Variants in CHN1 observed in about 807,000 individuals in gnomAD.
CHN1 encodes the protein N-chimaerin.
A neutral mutation model predicts 59.5 loss-of-function variants in CHN1; 37 were observed. The ratio of observed to expected loss-of-function variants is 0.62; its 90% CI spans 0.48 to 0.82. CHN1 has a LOEUF of 0.82. Among genes scored for constraint, CHN1 ranks in the 40% least tolerant of loss-of-function variants. The pLI is 0.00. For synonymous variants in CHN1, 206 were observed against 200.4 expected (o/e 1.03, Z -0.24); for missense variants, 469 against 571.0 (o/e 0.82, Z 1.82).
chr2:174,980,873 A>G (rs1422571346), intron 1 of CHN1, among the ~76,000 whole-genome samples: 1 of 152,208 alleles, frequency 6.6e-6, no homozygotes, highest in East Asian at 1.9e-4. Flanking sequence ...AAAACTCCAA[A>G]GATAGTTTGC....
At chr2:174,860,422 T>C (rs1687033018) in intron 6 of CHN1, among the ~76,000 whole-genome samples, 1 of 152,094 alleles carries the variant, frequency 6.6e-6, no homozygotes, top group African/African-American at 2.4e-5. Context: ...AATTTTTGGG[T>C]GCTAGACATA....
rs534057556 is a variant in CHN1 at position 174,933,495 on chromosome 2, AC to A, written c.114+11392del. ...ATGGGATGATGAGAGGAAAAAAAAA[AC>A]TACTAGATTTGTATGTATAGGGAAG... On this transcript the variant is annotated intron_variant, in intron 3 of 12. Coordinates refer to ENST00000409900, the MANE Select transcript of CHN1 (RefSeq NM_001822.7). Among the ~76,000 whole-genome samples, 57 of 152,306 alleles carry A rather than the reference AC, an allele frequency of 3.7e-4. No individual in the cohort carries two copies. In the East Asian group the frequency reaches 4.8e-3, roughly 13 times the overall value.
In CHN1 at chr2:175,005,169, G is replaced by A; in HGVS notation, c.-257C>T. The A allele has an allele frequency of 1.6e-6, 2 of 1,278,110 alleles. No homozygotes were observed. The highest frequency in any genetic ancestry group is 3.5e-5 in the East Asian group (1 of 28,262). 79.2% of individuals were successfully genotyped at this position (1,278,110 alleles called of 1,614,324 possible). A position where few individuals can be genotyped will look rare whatever the true frequency, so the allele number is the denominator to read the frequency against. On this transcript the variant is annotated 5_prime_UTR_variant, in exon 1 of 13. Coordinates refer to ENST00000409900, the MANE Select transcript of CHN1 (RefSeq NM_001822.7). ...TCTCCGCGAGCCGGCACTTGTCGCTGCCATCAGGCGCGGAGCGTGCGCGCG... is the reference window on the plus strand; with the variant it reads ...TCTCCGCGAGCCGGCACTTGTCGCTACCATCAGGCGCGGAGCGTGCGCGCG...
Position 174,878,011 on chromosome 2 carries a change from A to C in CHN1, c.378T>G (p.Ile126Met), listed in dbSNP as rs121912793. The change falls in exon 6 of 13, where the codon ATT becomes ATG. Residue 126 changes from isoleucine (I) to methionine (M), a missense_variant. Ile to Met is a conservative substitution (Grantham distance 10). This residue lies in a region of CHN1 where 152 missense variants were observed against 166.1 expected (regional missense o/e 0.92). Coordinates refer to ENST00000409900, the MANE Select transcript of CHN1 (RefSeq NM_001822.7). ...LVTDGLITLYIETKAAEYIAK... is the reference protein window; with the variant it reads ...LVTDGLITLYMETKAAEYIAK... ...CAATGTATTCTGCTGCCTTGGTTTC[A>C]ATATAGAGAGTAATCAAGCCATCAG... is the stretch of plus-strand genomic sequence containing the variant. The C allele has an allele frequency of 6.2e-7, 1 of 1,613,730 alleles. No individual in the cohort carries two copies. Among genetic ancestry groups the C allele is most frequent in the African/African-American group, 1.3e-5 (1 of 74,886 alleles).
At chr2:174,856,535 T>C (rs912818609) in intron 6 of CHN1, among the ~76,000 whole-genome samples, 3 of 152,186 alleles carry the variant, frequency 2.0e-5, no homozygotes, top group Non-Finnish European at 4.4e-5. Flanking sequence ...GGATAGCCCT[T>C]GCATTCCTCT....
At chr2:174,819,442 A>G (rs990331314) in intron 8 of CHN1, among the ~76,000 whole-genome samples, 1 of 152,198 alleles carries the variant, frequency 6.6e-6, no homozygotes, top group Admixed American at 6.6e-5. Context: ...ATTTGAAATA[A>G]TTATCCTTCT....
intron 6 of CHN1, among the ~76,000 whole-genome samples, chr2:174,857,422 T>C (rs1686939964): frequency 6.6e-6 from 1 of 152,170 alleles, no homozygotes; most frequent in Non-Finnish European, 1.5e-5. Flanking sequence ...TCTTATTTTT[T>C]CACTTATAAA....
At chr2:174,806,064 T>G (rs1388078284) in intron 11 of CHN1, among the ~76,000 whole-genome samples, 2 of 152,086 alleles carry the variant, frequency 1.3e-5, no homozygotes, top group Admixed American at 6.6e-5. Context: ...TAATGTTGGG[T>G]TACTGGAGGC....
intron 7 of CHN1, among the ~76,000 whole-genome samples, chr2:174,839,442 G>T (rs1315540129): frequency 6.6e-6 from 1 of 152,142 alleles, no homozygotes; most frequent in Non-Finnish European, 1.5e-5. Flanking sequence ...AATATTGCAT[G>T]ATTCCACTTA....
Position 175,005,249 on chromosome 2 carries a change from AGGCGGCGCCGCACTGGCGGCGGC to A in CHN1, c.-360_-338del. The A allele has an allele frequency of 8.5e-7, 1 of 1,172,908 alleles. No individual in the cohort carries two copies. Among genetic ancestry groups the A allele is most frequent in the Non-Finnish European group, 1.1e-6 (1 of 947,930 alleles). The allele number at this position is 1,172,908 out of a possible 1,614,324, so 72.7% of individuals were successfully genotyped here. The stretch of plus-strand genomic sequence containing the variant: ...GGCCGCGGCGCAGTGGCTGGCGGAG[AGGCGGCGCCGCACTGGCGGCGGC>A]GGCGGCGGCGACGGGGAGAGCAGCA... On this transcript the variant is annotated 5_prime_UTR_variant, in exon 1 of 13. An upstream open reading frame in the 5' UTR gains an earlier in-frame stop. Transcript: ENST00000409900.
chr2:174,988,047 T>G, intron 1 of CHN1, among the ~76,000 whole-genome samples: 1 of 151,984 alleles, frequency 6.6e-6, no homozygotes. Flanking sequence ...TTTCCAAGTA[T>G]GAGTAAAATT....
intron 5 of CHN1, among the ~76,000 whole-genome samples, chr2:174,883,516 C>T (rs962787780): frequency 6.6e-6 from 1 of 152,146 alleles, no homozygotes; most frequent in Non-Finnish European, 1.5e-5. Context: ...TAGAGACCAT[C>T]ATCCTATAAT....
intron 8 of CHN1, among the ~76,000 whole-genome samples, chr2:174,819,665 T>A (rs142227911): frequency 2.4e-4 from 37 of 151,868 alleles, no homozygotes; most frequent in Non-Finnish European, 4.1e-4. Context: ...ACTTGATTTT[T>A]TTATTATTAT....
chr2:175,000,675 C>CTCA (rs1327088877), intron 1 of CHN1, among the ~76,000 whole-genome samples: 1 of 152,128 alleles, frequency 6.6e-6, no homozygotes, highest in Non-Finnish European at 1.5e-5. Flanking sequence ...AACTCCTGAC[C>CTCA]TCAAATGATC....
In CHN1 at chr2:174,801,749, G is replaced by A. The variant is rs1280224515; in HGVS notation, c.1166C>T (p.Ala389Val). 7 of 1,613,394 alleles carry A rather than the reference G, an allele frequency of 4.3e-6. No homozygotes were observed. The highest frequency in any genetic ancestry group is 1.1e-5 in the South Asian group (1 of 91,080). Residue 389 changes from alanine to valine, a missense_variant, in exon 12 of 13, where the codon GCT becomes GTT. Physicochemically the swap from Ala to Val is moderately conservative, Grantham distance 64. Transcript: ENST00000409900. ...LHEALKLLPP[A>V]HCETLRYLMA... ...GAGGTACCGGAGGGTTTCGCAGTGA[G>A]CAGGTGGCAGTAGTTTCAGTGCTTC... is the stretch of plus-strand genomic sequence containing the variant.
In CHN1 at chr2:174,878,063, C is replaced by T. The variant is rs1314028913; in HGVS notation, c.326G>A (p.Arg109His). The change falls in exon 6 of 13, where the codon CGC becomes CAC. Residue 109 changes from arginine to histidine, a missense_variant. By Grantham distance (29) the Arg-to-His change is conservative. Transcript: ENST00000409900. ...YDGKHFVGEK[R>H]FESIHDLVTD... is the part of the protein sequence containing the mutation. Reference sequence around the variant, plus strand: ...CACCAGATCGTGGATGGACTCAAAGCGTTTCTCCCCAACAAAGTGCTTGCC... The same window carrying T: ...CACCAGATCGTGGATGGACTCAAAGTGTTTCTCCCCAACAAAGTGCTTGCC... 9.9e-6 allele frequency: 16 copies of T among 1,612,960 alleles called. No homozygotes were observed. The highest frequency in any genetic ancestry group is 1.3e-5 in the Non-Finnish European group (15 of 1,179,314).
intron 1 of CHN1, among the ~76,000 whole-genome samples, chr2:174,957,446 T>TGG (rs571065105): frequency 0.3 from 26,251 of 88,972 alleles, 4,289 homozygotes; most frequent in Admixed American, 0.34. Context: ...GTGTGTGTGT[T>TGG]GGGGGGGGGG....
chr2:174,917,772 A>C (rs903598042), intron 4 of CHN1, among the ~76,000 whole-genome samples: 2 of 152,120 alleles, frequency 1.3e-5, no homozygotes, highest in Non-Finnish European at 1.5e-5. Flanking sequence ...ATAATTTAAA[A>C]ATATTTATAA....
At chr2:174,900,564 G>A (rs919849803) in intron 5 of CHN1, among the ~76,000 whole-genome samples, 1 of 152,174 alleles carries the variant, frequency 6.6e-6, no homozygotes, top group Admixed American at 6.5e-5. Flanking sequence ...CCAGTACTTT[G>A]GGAGGCCAAG....
Sources: gnomAD v4.1 joint callset for allele counts (sites outside exome capture counted in the v4.1 genomes callset) on GRCh38, gnomAD v4.1.1 for gene constraint, gnomAD v4.1.1 regional missense constraint, MANE v1.5 for transcripts, NCBI Gene and HGNC (gene_info 2026-07-23, HGNC 2026-07-21) for gene names.